Variants in COX7B2 observed in about 807,000 individuals in gnomAD.
The protein encoded by COX7B2 is cytochrome c oxidase subunit 7B2, mitochondrial.
For missense variants in COX7B2, 109 were observed against 95.9 expected (o/e 1.14, Z -0.57); for synonymous variants, 37 against 32.1 (o/e 1.15, Z -0.51).
At chr4:46,907,728 T>A (rs1196098045) in intron 1 of COX7B2, among the ~76,000 whole-genome samples, 3 of 147,098 alleles carry the variant, frequency 2.0e-5, no homozygotes, top group East Asian at 2.0e-4. Flanking sequence ...AAAAAAAAAA[T>A]AGGAACAACT....
intron 2 of COX7B2, among the ~76,000 whole-genome samples, chr4:46,758,576 A>G (rs1715941259): frequency 6.6e-6 from 1 of 152,192 alleles, no homozygotes; most frequent in African/African-American, 2.4e-5. Context: ...AAAATAACTT[A>G]TAAGAAAGCT....
At chr4:46,807,041 G>A (rs1466206654) in intron 2 of COX7B2, among the ~76,000 whole-genome samples, 2 of 151,776 alleles carry the variant, frequency 1.3e-5, no homozygotes, top group Admixed American at 6.6e-5. Flanking sequence ...GGCCAGAAGA[G>A]GAATTACTTG....
At chr4:46,880,999 A>AAAAAAAAAAAC (rs1560435020) in intron 1 of COX7B2, among the ~76,000 whole-genome samples, 3 of 151,266 alleles carry the variant, frequency 2.0e-5, no homozygotes, top group South Asian at 2.1e-4. Context: ...ATAATAAAAA[A>AAAAAAAAAAAC]AAAAAAAAAA....
intron 2 of COX7B2, among the ~76,000 whole-genome samples, chr4:46,835,340 C>T (rs535833029): frequency 1.2e-4 from 18 of 151,946 alleles, no homozygotes; most frequent in Non-Finnish European, 2.2e-4. Context: ...TTGAATGTTT[C>T]TCTAGTGCGT....
At position 46,846,930 on chromosome 4, in the gene COX7B2, G is replaced by T. The variant is rs975907024; in HGVS notation, c.-104-1916C>A. ...GAGTGTGGGAAAAAACAGGTGATTGGTGGGAAATAATTATTCTGGGTTTAG... is the reference window on the plus strand; with the variant it reads ...GAGTGTGGGAAAAAACAGGTGATTGTTGGGAAATAATTATTCTGGGTTTAG... On this transcript the variant is annotated intron_variant, in intron 1 of 2. Coordinates refer to ENST00000355591, the MANE Select transcript of COX7B2 (RefSeq NM_130902.3). Among the ~76,000 whole-genome samples the T allele has an allele frequency of 2.6e-5, 4 of 152,064 alleles. No homozygotes were observed. The East Asian group carries it at 7.8e-4, about 30-fold the overall frequency.
At chr4:46,816,548 T>C (rs186682231) in intron 2 of COX7B2, among the ~76,000 whole-genome samples, 1 of 152,210 alleles carries the variant, frequency 6.6e-6, no homozygotes, top group Non-Finnish European at 1.5e-5. Flanking sequence ...ATCATAAAAT[T>C]ATAATTTGTC....
chr4:46,859,208 T>G (rs116684233), intron 1 of COX7B2, among the ~76,000 whole-genome samples: 197 of 152,264 alleles, frequency 1.3e-3, no homozygotes, highest in Non-Finnish European at 2.2e-3. Context: ...ATTTCCACCT[T>G]TCCACCCAGA....
intron 2 of COX7B2, among the ~76,000 whole-genome samples, chr4:46,764,263 A>G (rs756611764): frequency 6.6e-6 from 1 of 152,134 alleles, no homozygotes; most frequent in Non-Finnish European, 1.5e-5. Flanking sequence ...AAAATACTGG[A>G]GCCAGGCACA....
At chr4:46,782,655 G>C (rs1238993533) in intron 2 of COX7B2, among the ~76,000 whole-genome samples, 2 of 152,188 alleles carry the variant, frequency 1.3e-5, no homozygotes, top group Non-Finnish European at 2.9e-5. Context: ...CTTTGGGTCT[G>C]CGCCACTTTT....
intron 2 of COX7B2, among the ~76,000 whole-genome samples, chr4:46,811,521 C>T (rs2109662811): frequency 6.6e-6 from 1 of 152,162 alleles, no homozygotes. Context: ...TTGAATTTCT[C>T]ATTTGGATCA....
chr4:46,884,515 A>G (rs1577696503), intron 1 of COX7B2, among the ~76,000 whole-genome samples: 2 of 152,264 alleles, frequency 1.3e-5, no homozygotes, highest in African/African-American at 4.8e-5. Flanking sequence ...TGTGATCAGT[A>G]AATAGTGGAG....
At chr4:46,759,091 C>G (rs1160905198) in intron 2 of COX7B2, among the ~76,000 whole-genome samples, 4 of 152,080 alleles carry the variant, frequency 2.6e-5, no homozygotes, top group Non-Finnish European at 4.4e-5. Context: ...TGCAGAGATT[C>G]TAGACCCATA....
intron 2 of COX7B2, among the ~76,000 whole-genome samples, chr4:46,778,024 TCTA>T (rs1371189899): frequency 6.6e-6 from 1 of 152,072 alleles, no homozygotes; most frequent in Admixed American, 6.5e-5. Flanking sequence ...ATAAATGTGA[TCTA>T]TTATTATCAC....
chr4:46,875,611 G>T (rs1718270484), intron 1 of COX7B2, among the ~76,000 whole-genome samples: 1 of 151,874 alleles, frequency 6.6e-6, no homozygotes, highest in Non-Finnish European at 1.5e-5. Flanking sequence ...TATGGGAAAA[G>T]GCCCATACTC....
chr4:46,803,915 C>G (rs1427759995), intron 2 of COX7B2, among the ~76,000 whole-genome samples: 7 of 152,090 alleles, frequency 4.6e-5, no homozygotes, highest in Non-Finnish European at 5.9e-5. Context: ...TAGGAAAACA[C>G]TGTGTCCGGA....
At chr4:46,890,343 A>G (rs1328422790) in intron 1 of COX7B2, among the ~76,000 whole-genome samples, 2 of 152,206 alleles carry the variant, frequency 1.3e-5, no homozygotes, top group African/African-American at 4.8e-5. Context: ...GCCTATGCCA[A>G]TAGAAAGGGC....
chr4:46,897,789 C>G (rs962113563), intron 1 of COX7B2, among the ~76,000 whole-genome samples: 2 of 152,178 alleles, frequency 1.3e-5, no homozygotes, highest in African/African-American at 4.8e-5. Flanking sequence ...TCAGGTCCCC[C>G]ACTAAACACC....
At chr4:46,812,270 C>T (rs1164104232) in intron 2 of COX7B2, among the ~76,000 whole-genome samples, 1 of 152,016 alleles carries the variant, frequency 6.6e-6, no homozygotes, top group Non-Finnish European at 1.5e-5. Context: ...TAAGCTGAGG[C>T]CTATCTCTCT....
At chr4:46,799,454 T>C (rs1718536022) in intron 2 of COX7B2, among the ~76,000 whole-genome samples, 1 of 152,146 alleles carries the variant, frequency 6.6e-6, no homozygotes, top group African/African-American at 2.4e-5. Flanking sequence ...TCAACAGGAA[T>C]GATTACAGCT....
Sources: allele counts gnomAD v4.1 joint callset (sites outside exome capture counted in the v4.1 genomes callset), GRCh38; gene constraint gnomAD v4.1.1; transcripts MANE v1.5; gene names NCBI Gene and HGNC (gene_info 2026-07-23, HGNC 2026-07-21).